FOXN3: variants seen among roughly 807,000 people sequenced by gnomAD.
The protein encoded by FOXN3 is forkhead box protein N3.
A neutral mutation model predicts 38.4 loss-of-function variants in FOXN3; 7 were observed. The ratio of observed to expected loss-of-function variants is 0.18; its 90% confidence interval spans 0.10 to 0.34. The LOEUF (loss-of-function observed/expected upper bound fraction) is 0.34, where lower values mean the gene tolerates loss of function less well. Ranked by LOEUF, FOXN3 falls within the 10% of genes least tolerant of loss-of-function variation. FOXN3 has a pLI of 1.00. For missense variants in FOXN3, 456 were observed against 613.4 expected (o/e 0.74, Z 2.71); for synonymous variants, 230 against 242.2 (o/e 0.95, Z 0.47).
chr14:89,423,972 T>C (rs564073172), intron 1 of FOXN3, among the ~76,000 whole-genome samples: 1 of 152,332 alleles, frequency 6.6e-6, no homozygotes, highest in Non-Finnish European at 1.5e-5. Flanking sequence ...CTCCAGCCTA[T>C]TAGATTCAGC....
chr14:89,270,949 G>A (rs1010569070), intron 4 of FOXN3, among the ~76,000 whole-genome samples: 1 of 152,192 alleles, frequency 6.6e-6, no homozygotes, highest in African/African-American at 2.4e-5. Flanking sequence ...GACGGGCAGA[G>A]GGATGGCAGG....
At chr14:89,237,556 T>C (rs760909774) in intron 4 of FOXN3, among the ~76,000 whole-genome samples, 3 of 152,256 alleles carry the variant, frequency 2.0e-5, no homozygotes, top group Non-Finnish European at 4.4e-5. Flanking sequence ...GTTGTGATAT[T>C]GCACTACTGT....
chr14:89,609,740 G>A (rs540157657), intron 1 of FOXN3, among the ~76,000 whole-genome samples: 19 of 152,278 alleles, frequency 1.2e-4, no homozygotes, highest in Non-Finnish European at 2.2e-4. Flanking sequence ...GGGTTTTAGG[G>A]ACAGAAGTCT....
At chr14:89,284,564 T>G (rs1318345769) in intron 3 of FOXN3, 15 of 455,900 alleles carry the variant, frequency 3.3e-5, no homozygotes, top group Non-Finnish European at 6.2e-5. Context: ...TAGGACTCTC[T>G]CCAAGGCAAA....
intron 1 of FOXN3, among the ~76,000 whole-genome samples, chr14:89,531,081 CATAT>C: frequency 6.9e-6 from 1 of 145,902 alleles, no homozygotes; most frequent in East Asian, 2.0e-4. Context: ...TATACACACA[CATAT>C]ATATACACAC....
chr14:89,290,280 G>A (rs148318775), intron 3 of FOXN3: 182 of 321,048 alleles, frequency 5.7e-4, no homozygotes, highest in African/African-American at 3.8e-3. Flanking sequence ...CCACCCTGAC[G>A]AATAAGTATA....
intron 2 of FOXN3, among the ~76,000 whole-genome samples, chr14:89,375,787 G>C (rs933320992): frequency 6.6e-6 from 1 of 151,544 alleles, no homozygotes. Context: ...TATTTTTTTT[G>C]AGACAGAGTT....
chr14:89,252,233 GATT>G (rs918410135), intron 4 of FOXN3, among the ~76,000 whole-genome samples: 1 of 152,178 alleles, frequency 6.6e-6, no homozygotes, highest in African/African-American at 2.4e-5. Flanking sequence ...TAGAGCCAAG[GATT>G]ATTAATACTT....
chr14:89,468,972 A>G (rs1037863250), intron 1 of FOXN3, among the ~76,000 whole-genome samples: 1 of 152,208 alleles, frequency 6.6e-6, no homozygotes, highest in African/African-American at 2.4e-5. Flanking sequence ...ACAAAAGCCA[A>G]GTGAACGTGC....
chr14:89,323,627 G>A (rs1168528167), intron 3 of FOXN3, among the ~76,000 whole-genome samples: 6 of 151,872 alleles, frequency 4.0e-5, no homozygotes, highest in Non-Finnish European at 5.9e-5. Flanking sequence ...GCTGAGGCAG[G>A]AGAATTGCTT....
intron 1 of FOXN3, among the ~76,000 whole-genome samples, chr14:89,588,307 G>A (rs1025135706): frequency 1.3e-5 from 2 of 152,004 alleles, no homozygotes; most frequent in Non-Finnish European, 2.9e-5. Flanking sequence ...AGAACCGTGA[G>A]CCAATTAAAC....
chr14:89,576,900 T>TA (rs1319934145), intron 1 of FOXN3: 2 of 152,210 alleles, frequency 1.3e-5, no homozygotes, highest in Non-Finnish European at 2.9e-5. Context: ...CCTCCATCCG[T>TA]ATGCTGATAC....
intron 3 of FOXN3, among the ~76,000 whole-genome samples, chr14:89,311,675 A>C (rs1887554224): frequency 6.7e-6 from 1 of 150,320 alleles, no homozygotes; most frequent in Non-Finnish European, 1.5e-5. Flanking sequence ...AAATACAAAA[A>C]ATTAGCCGGG....
chr14:89,317,698 C>T (rs2139968237), intron 3 of FOXN3, among the ~76,000 whole-genome samples: 1 of 152,116 alleles, frequency 6.6e-6, no homozygotes, highest in South Asian at 2.1e-4. Flanking sequence ...ATTGAACCTA[C>T]CTCCTTTCCC....
At chr14:89,372,905 C>A (rs1890364066) in intron 2 of FOXN3, among the ~76,000 whole-genome samples, 1 of 152,180 alleles carries the variant, frequency 6.6e-6, no homozygotes, top group South Asian at 2.1e-4. Flanking sequence ...TGCAGTGGCT[C>A]ACACCTGTAA....
chr14:89,251,835 A>C (rs1381323548), intron 4 of FOXN3, among the ~76,000 whole-genome samples: 1 of 152,236 alleles, frequency 6.6e-6, no homozygotes, highest in East Asian at 1.9e-4. Flanking sequence ...GGGAAATGCA[A>C]AGGTGTCTTT....
At position 89,532,869 on chromosome 14, in the gene FOXN3, A is replaced by G. The variant is rs144225392; in HGVS notation, c.-15+86159T>C. Among the ~76,000 whole-genome samples the G allele has an allele frequency of 2.2e-3, 329 of 152,390 alleles. 1 individual carries two copies. The highest frequency in any genetic ancestry group is 6.5e-3 in the African/African-American group (272 of 41,596). ...CTATACATTTTGGTAACAAAGGTAT[A>G]GCTATACATGTAGGTAACAAAGGTA... is the stretch of plus-strand genomic sequence containing the variant. On this transcript the variant is annotated intron_variant, in intron 1 of 6. Coordinates refer to the FOXN3 transcript ENST00000345097.
Position 89,586,004 on chromosome 14 carries a change from G to A in FOXN3, c.-15+33024C>T, listed in dbSNP as rs147187447. ...GCGAAAGCTTGAGTGAGATGGGATC[G>A]TAGCCCATCTCACTACGTATGTATG... On this transcript the variant is annotated intron_variant, in intron 1 of 6. Transcript: ENST00000345097. Among the ~76,000 whole-genome samples the A allele has an allele frequency of 5.2e-3, 791 of 152,164 alleles. 7 individuals carry two copies. The highest frequency in any genetic ancestry group is 0.018 in the African/African-American group (766 of 41,528).
chr14:89,425,939 G>A (rs574132066), intron 1 of FOXN3, among the ~76,000 whole-genome samples: 10 of 152,112 alleles, frequency 6.6e-5, no homozygotes, highest in Admixed American at 2.6e-4. Flanking sequence ...CCAGAATGAC[G>A]CTTATCTAAT....
Sources: gnomAD v4.1 joint callset for allele counts (sites outside exome capture counted in the v4.1 genomes callset) on GRCh38, gnomAD v4.1.1 for gene constraint, MANE v1.5 for transcripts, NCBI Gene and HGNC (gene_info 2026-07-23, HGNC 2026-07-21) for gene names.